MAST4: variants seen among roughly 807,000 people sequenced by gnomAD.
MAST4 encodes the protein microtubule associated serine/threonine kinase family member 4.
A neutral mutation model predicts 162.7 loss-of-function variants in MAST4; 89 were observed. That is an observed-to-expected ratio of 0.55 (90% CI 0.46 to 0.65). The LOEUF is 0.65. MAST4 is among the 30% of genes least tolerant of loss of function. The pLI is 0.00. For synonymous variants in MAST4, 1,479 were observed against 1,361.1 expected, an observed-to-expected ratio of 1.09 and a Z score of -1.91; for missense variants, 3,153 against 3,374.0, an observed-to-expected ratio of 0.93 and a Z score of 1.62.
At chr5:67,151,040 C>T (rs1771738586) in intron 24 of MAST4, among the ~76,000 whole-genome samples, 1 of 152,192 alleles carries the variant, frequency 6.6e-6, no homozygotes, top group African/African-American at 2.4e-5. Context: ...CTGGCTCCAA[C>T]CGAGCTCATG....
At chr5:66,695,746 C>T (rs1396034902) in intron 1 of MAST4, among the ~76,000 whole-genome samples, 2 of 152,050 alleles carry the variant, frequency 1.3e-5, no homozygotes, top group South Asian at 2.1e-4. Flanking sequence ...ACTTTTACAT[C>T]GTTGGTAGGT....
intron 26 of MAST4, 66 bp downstream of exon 26, chr5:67,153,646 A>G (rs1379811808): frequency 4.9e-6 from 7 of 1,430,502 alleles, no homozygotes; most frequent in African/African-American, 1.4e-5. Context: ...TAGTACCAGG[A>G]GATTGATTTC....
intron 4 of MAST4, among the ~76,000 whole-genome samples, chr5:66,964,807 AAG>A (rs1406256503): frequency 1.3e-5 from 2 of 152,246 alleles, no homozygotes; most frequent in East Asian, 3.8e-4. Context: ...CGTCTCAAAA[AAG>A]AAAAAATCCT....
At position 66,878,478 on chromosome 5, in the gene MAST4, C is replaced by A. The variant is rs576517540; in HGVS notation, c.643-21473C>A. 3.9e-5 allele frequency among the ~76,000 whole-genome samples: 6 copies of A among 152,302 alleles called. No homozygotes were observed. In the South Asian group the frequency reaches 1.2e-3, roughly 32 times the overall value. Reference sequence around the variant, plus strand: ...TGAGGTTAAATAACTCACACAAGATCCCAGAGCTAGTAAAAGGTGAAGCCA... The same window carrying A: ...TGAGGTTAAATAACTCACACAAGATACCAGAGCTAGTAAAAGGTGAAGCCA... On this transcript the variant is annotated intron_variant, in intron 3 of 28. Coordinates refer to ENST00000403625, the MANE Select transcript of MAST4 (RefSeq NM_001164664.2).
At chr5:66,640,652 T>G (rs994692529) in intron 1 of MAST4, among the ~76,000 whole-genome samples, 2 of 152,222 alleles carry the variant, frequency 1.3e-5, no homozygotes, top group African/African-American at 4.8e-5. Context: ...CTCAGATTAT[T>G]TCCATATCTT....
At chr5:66,988,996 T>C (rs548228519) in intron 4 of MAST4, among the ~76,000 whole-genome samples, 1 of 152,356 alleles carries the variant, frequency 6.6e-6, no homozygotes, top group South Asian at 2.1e-4. Context: ...AAAAACGTAT[T>C]TGAAAATAAT....
At chr5:66,944,765 G>C (rs908753488) in intron 4 of MAST4, among the ~76,000 whole-genome samples, 14 of 152,054 alleles carry the variant, frequency 9.2e-5, no homozygotes, top group Non-Finnish European at 1.8e-4. Context: ...GGCTCAGCTG[G>C]GTCCTCTTCC....
chr5:67,054,541 G>GT (rs1758575868), intron 5 of MAST4, 49 bp downstream of exon 5: 1 of 1,490,696 alleles, frequency 6.7e-7, no homozygotes, highest in Non-Finnish European at 9.1e-7. Context: ...TTATTTGTTG[G>GT]TTTTTTAAAA....
intron 1 of MAST4, among the ~76,000 whole-genome samples, chr5:66,635,632 A>G (rs1048895142): frequency 3.9e-5 from 6 of 152,138 alleles, no homozygotes; most frequent in African/African-American, 1.4e-4. Flanking sequence ...CCAGCAGCCC[A>G]TGTGAAAAGG....
chr5:66,906,514 T>G (rs1410274225), intron 4 of MAST4, among the ~76,000 whole-genome samples: 1 of 152,202 alleles, frequency 6.6e-6, no homozygotes, highest in Non-Finnish European at 1.5e-5. Context: ...GTCAATCCCC[T>G]CTGACCGCAA....
intron 26 of MAST4, among the ~76,000 whole-genome samples, chr5:67,158,929 G>A (rs1475739038): frequency 6.6e-6 from 1 of 152,358 alleles, no homozygotes; most frequent in Non-Finnish European, 1.5e-5. Flanking sequence ...AGCTACCTGG[G>A]AGGCTGAGGC....
intron 5 of MAST4, among the ~76,000 whole-genome samples, chr5:67,055,175 C>T (rs1425344348): frequency 1.3e-5 from 2 of 152,002 alleles, no homozygotes; most frequent in African/African-American, 4.8e-5. Context: ...AAAGGGAATT[C>T]TCAGTGTATG....
At chr5:66,729,141 G>A (rs7717703) in intron 1 of MAST4, among the ~76,000 whole-genome samples, 116,287 of 152,160 alleles carry the variant, frequency 0.76, 45,718 homozygotes, top group African/African-American at 0.94. Flanking sequence ...GAAAGGAAGG[G>A]TAAGTGTGTG....
At chr5:66,778,873 C>G (rs1209624397) in intron 2 of MAST4, among the ~76,000 whole-genome samples, 2 of 152,188 alleles carry the variant, frequency 1.3e-5, no homozygotes, top group Non-Finnish European at 2.9e-5. Context: ...CATGTATGTT[C>G]TGTTGTTTTT....
intron 24 of MAST4, among the ~76,000 whole-genome samples, chr5:67,150,985 C>T (rs1771730202): frequency 6.6e-6 from 1 of 152,180 alleles, no homozygotes; most frequent in Non-Finnish European, 1.5e-5. Flanking sequence ...CAATGGAACT[C>T]ACCACACCCT....
chr5:66,710,085 G>A (rs182125573), intron 1 of MAST4, among the ~76,000 whole-genome samples: 50 of 152,320 alleles, frequency 3.3e-4, no homozygotes, highest in Non-Finnish European at 5.3e-4. Flanking sequence ...GCCATCTTTG[G>A]AGTTGGTGTG....
At chr5:66,635,974 T>C (rs1162623768) in intron 1 of MAST4, among the ~76,000 whole-genome samples, 1 of 119,414 alleles carries the variant, frequency 8.4e-6, no homozygotes, top group Non-Finnish European at 1.7e-5. Context: ...TTTTTTTTTT[T>C]TCGAGACAGA....
intron 11 of MAST4, among the ~76,000 whole-genome samples, chr5:67,111,462 A>G (rs1192257775): frequency 1.3e-5 from 2 of 152,074 alleles, no homozygotes; most frequent in Admixed American, 6.5e-5. Flanking sequence ...AGGGCTTTCT[A>G]TCAATGGTGA....
chr5:66,608,067 G>GTTT (rs201960504), intron 1 of MAST4, among the ~76,000 whole-genome samples: 1 of 140,414 alleles, frequency 7.1e-6, no homozygotes, highest in East Asian at 2.1e-4. Flanking sequence ...TTTTTTTTTT[G>GTTT]TTTTTTTTTT....
Sources: gnomAD v4.1 joint callset for allele counts (sites outside exome capture counted in the v4.1 genomes callset) on GRCh38, gnomAD v4.1.1 for gene constraint, MANE v1.5 for transcripts, NCBI Gene and HGNC (gene_info 2026-07-23, HGNC 2026-07-21) for gene names.